SMURF1: variants seen among roughly 807,000 people sequenced by gnomAD.
The protein encoded by SMURF1 is E3 ubiquitin-protein ligase SMURF1.
SMURF1 carries 44 observed loss-of-function variants against 98.0 expected under a neutral mutation model. The ratio of observed to expected loss-of-function variants is 0.45; its 90% CI spans 0.35 to 0.58. SMURF1 has a LOEUF of 0.58. Ranked by LOEUF, SMURF1 falls within the 20% of genes least tolerant of loss-of-function variation. The pLI is 0.00. For synonymous variants in SMURF1, 396 were observed against 374.9 expected, an observed-to-expected ratio of 1.06 and a Z score of -0.65; for missense variants, 687 against 938.4, an observed-to-expected ratio of 0.73 and a Z score of 3.50.
chr7:99,031,338 T>C (rs1181241289), intron 17 of SMURF1: 1 of 152,232 alleles, frequency 6.6e-6, no homozygotes, highest in African/African-American at 2.4e-5. Context: ...TGACTCGATA[T>C]TTCCAGGGGG....
chr7:99,142,571 G>T (rs114015819), intron 1 of SMURF1, among the ~76,000 whole-genome samples: 5,610 of 143,796 alleles, frequency 0.039, 137 homozygotes, highest in Middle Eastern at 0.074. Context: ...GGCGGGGCTA[G>T]GCAGGAATGA....
intron 17 of SMURF1, 156 bp downstream of exon 17, chr7:99,032,881 C>T: frequency 1.0e-6 from 1 of 952,830 alleles, no homozygotes; most frequent in East Asian, 2.4e-5. Context: ...TAGAATTTCT[C>T]CTTCTGTCTC....
At chr7:99,045,230 A>T (rs1795534414) in intron 11 of SMURF1, among the ~76,000 whole-genome samples, 1 of 152,216 alleles carries the variant, frequency 6.6e-6, no homozygotes, top group Admixed American at 6.5e-5. Context: ...GTTTTTTAAT[A>T]TCATTTTCTT....
chr7:99,113,298 T>C (rs1435623125), intron 1 of SMURF1, among the ~76,000 whole-genome samples: 2 of 152,180 alleles, frequency 1.3e-5, no homozygotes, highest in Non-Finnish European at 1.5e-5. Context: ...ACTAATCATG[T>C]AGAAGGCATC....
chr7:99,121,087 T>C (rs563041252), intron 1 of SMURF1: 22 of 152,160 alleles, frequency 1.4e-4, no homozygotes, highest in African/African-American at 5.3e-4. Context: ...AAATTAACAC[T>C]GTCTCCAACA....
Position 99,042,102 on chromosome 7 carries a change from G to T in SMURF1, c.1371+16C>A. On this transcript the variant is annotated intron_variant, in intron 12 of 17. Coordinates refer to ENST00000361368, the MANE Select transcript of SMURF1 (RefSeq NM_181349.3). ...CTCCAACTCAATTCCCTACCTCTTT[G>T]TTCATTCATACTTACGGGGTTGATT... 6.3e-7 allele frequency: 1 copy of T among 1,580,910 alleles called. No individual in the cohort carries two copies. Among genetic ancestry groups the T allele is most frequent in the Non-Finnish European group, 8.7e-7 (1 of 1,150,516 alleles).
Position 99,028,842 on chromosome 7 carries a change from C to T in SMURF1, c.*1742G>A, listed in dbSNP as rs1794787001. ...GGGGGAGGTCTGTAGTTTTCACTTC[C>T]TCACCTTCAAGAGGAAGATGATGCA... On this transcript the variant is annotated 3_prime_UTR_variant, in exon 18 of 18. Coordinates refer to ENST00000361368, the MANE Select transcript of SMURF1 (RefSeq NM_181349.3). 1 of 152,194 alleles carries T rather than the reference C, an allele frequency of 6.6e-6. No individual in the cohort carries two copies. The highest frequency in any genetic ancestry group is 1.5e-5 in the Non-Finnish European group (1 of 68,048). 9.4% of individuals were successfully genotyped at this position (152,194 alleles called of 1,614,324 possible). A position where few individuals can be genotyped will look rare whatever the true frequency, so the allele number is the denominator to read the frequency against.
At chr7:99,056,992 C>CAA (rs76600092) in intron 5 of SMURF1, among the ~76,000 whole-genome samples, 73 of 108,856 alleles carry the variant, frequency 6.7e-4, no homozygotes, top group African/African-American at 2.3e-3. Flanking sequence ...AAAAAAAAAC[C>CAA]AAAAAAAAAA....
rs1213281623 is a variant in SMURF1 at position 99,035,728 on chromosome 7, C to G, written c.1810-12G>C. Reference sequence around the variant, plus strand: ...CCGCCTATGATCAGCTGAGGAGGTGCAGAAAGGTGAATTACTTCCAAAATG... The same window carrying G: ...CCGCCTATGATCAGCTGAGGAGGTGGAGAAAGGTGAATTACTTCCAAAATG... On this transcript the variant is annotated splice_polypyrimidine_tract_variant and intron_variant, in intron 15 of 17. Transcript: ENST00000361368. The G allele has an allele frequency of 6.2e-7, 1 of 1,612,596 alleles. No homozygotes were observed. The highest frequency in any genetic ancestry group is 1.7e-5 in the Admixed American group (1 of 59,888).
intron 6 of SMURF1, among the ~76,000 whole-genome samples, chr7:99,053,176 C>T (rs905240761): frequency 2.0e-5 from 3 of 152,194 alleles, no homozygotes; most frequent in Non-Finnish European, 2.9e-5. Flanking sequence ...CATCAATCTT[C>T]ACCCCCTGAG....
intron 1 of SMURF1, among the ~76,000 whole-genome samples, chr7:99,096,924 C>A (rs756299096): frequency 4.6e-5 from 7 of 152,112 alleles, no homozygotes; most frequent in Admixed American, 1.3e-4. Flanking sequence ...TAGAGTCATA[C>A]GATGTATGTT....
intron 1 of SMURF1, among the ~76,000 whole-genome samples, chr7:99,107,605 G>C (rs1252865095): frequency 6.6e-6 from 1 of 152,182 alleles, no homozygotes; most frequent in Non-Finnish European, 1.5e-5. Flanking sequence ...TGAACACAGA[G>C]AAAGTTGAGC....
chr7:99,089,449 G>C (rs1337976331), intron 1 of SMURF1, among the ~76,000 whole-genome samples: 1 of 151,632 alleles, frequency 6.6e-6, no homozygotes, highest in Non-Finnish European at 1.5e-5. Flanking sequence ...GATCAGCCTG[G>C]GAAACATGGT....
rs1407538746 is a variant in SMURF1, at chr7:99,029,482, A to T, written c.*1102T>A. ...CTGCCACTGGGAAAGGGGCCACATG[A>T]GGCAGTGAGTGTGAAGTCGTCCCCC... On this transcript the variant is annotated 3_prime_UTR_variant, in exon 18 of 18. Transcript: ENST00000361368. The T allele has an allele frequency of 6.6e-6, 1 of 152,208 alleles. No homozygotes were observed. The highest frequency in any genetic ancestry group is 2.4e-5 in the African/African-American group (1 of 41,454). The allele number at this position is 152,208 out of a possible 1,614,324, so 9.4% of individuals were successfully genotyped here. A position where few individuals can be genotyped will look rare whatever the true frequency, so the allele number is the denominator to read the frequency against.
At position 99,057,280 on chromosome 7, in the gene SMURF1, A is replaced by G. The variant is rs772258495; in HGVS notation, c.338-10T>C. The G allele has an allele frequency of 6.2e-7, 1 of 1,614,192 alleles. No homozygotes were observed. Among genetic ancestry groups the G allele is most frequent in the Non-Finnish European group, 8.5e-7 (1 of 1,180,032 alleles). On this transcript the variant is annotated splice_polypyrimidine_tract_variant and intron_variant, in intron 4 of 17. Transcript: ENST00000361368. ...AGATCCAAACGCTGGTCTGTAAACA[A>G]ACAATTCAAAACTTAACCCAAGGAA...
At position 99,046,151 on chromosome 7, in the gene SMURF1, G is replaced by A. The variant is rs73709534; in HGVS notation, c.1153-350C>T. Reference sequence around the variant, plus strand: ...GCACACTATAAACAACTTGTGCATCGCAACCAAAATCAAGACATTAGAAAG... The same window carrying A: ...GCACACTATAAACAACTTGTGCATCACAACCAAAATCAAGACATTAGAAAG... On this transcript the variant is annotated intron_variant, in intron 10 of 17. Transcript: ENST00000361368. 2.7e-3 allele frequency among the ~76,000 whole-genome samples: 413 copies of A among 152,124 alleles called. 2 individuals are homozygous for A. The highest frequency in any genetic ancestry group is 9.7e-3 in the African/African-American group (404 of 41,484).
intron 1 of SMURF1, among the ~76,000 whole-genome samples, chr7:99,089,627 C>T (rs780326751): frequency 3.3e-5 from 5 of 151,848 alleles, no homozygotes; most frequent in African/African-American, 7.3e-5. Flanking sequence ...GGCAACAGAG[C>T]GAGACCCTGT....
intron 1 of SMURF1, among the ~76,000 whole-genome samples, chr7:99,079,496 A>C (rs1436323037): frequency 6.6e-6 from 1 of 152,264 alleles, no homozygotes; most frequent in Non-Finnish European, 1.5e-5. Flanking sequence ...TGAAAGAAAG[A>C]AAGAAACTCA....
chr7:99,051,509 G>A lies in SMURF1; in HGVS notation c.722-68C>T, dbSNP rs1014870502. On this transcript the variant is annotated intron_variant, in intron 7 of 17. Transcript: ENST00000361368. ...CAGGGAGAGTTTGTAACCAACCCTC[G>A]ATGCCCTCACGTCTGGTATTATCTA... 17 of 1,203,118 alleles carry A rather than the reference G, an allele frequency of 1.4e-5. 1 individual carries two copies. Among genetic ancestry groups the A allele is most frequent in the African/African-American group, 1.0e-4 (7 of 66,908 alleles). 74.5% of individuals were successfully genotyped at this position (1,203,118 alleles called of 1,614,324 possible).
Sources: gnomAD v4.1 joint callset for allele counts (sites outside exome capture counted in the v4.1 genomes callset) on GRCh38, gnomAD v4.1.1 for gene constraint, MANE v1.5 for transcripts, NCBI Gene and HGNC (gene_info 2026-07-23, HGNC 2026-07-21) for gene names.